Variants in NDNF observed in about 807,000 individuals in gnomAD.
The protein encoded by NDNF is neuron derived neurotrophic factor.
A neutral mutation model predicts 42.0 loss-of-function variants in NDNF; 16 were observed. The observed-to-expected ratio is 0.38, with a 90% CI of 0.26 to 0.58. NDNF has a LOEUF of 0.58. NDNF is among the 20% of genes least tolerant of loss of function. NDNF has a pLI of 0.67. For missense variants in NDNF, 616 were observed against 666.2 expected (o/e 0.92, Z 0.83); for synonymous variants, 248 against 251.7 (o/e 0.99, Z 0.14).
intron 1 of NDNF, among the ~76,000 whole-genome samples, chr4:121,064,453 A>G (rs185544974): frequency 1.6e-4 from 24 of 152,340 alleles, no homozygotes; most frequent in Non-Finnish European, 2.6e-4. Flanking sequence ...AAACTTCAAA[A>G]TATAACACAA....
rs1312488896 is a variant in NDNF at position 121,037,473 on chromosome 4, A to C, written c.498T>G (p.Thr166=). The change falls in exon 4 of 4, where the codon ACT becomes ACG. Residue 166 remains threonine, a synonymous_variant. Transcript: ENST00000379692. ...DTHFKVYATT[T]PESDQPYPEL... Reference sequence around the variant, plus strand: ...CAGGGTATGGCTGATCAGATTCTGGAGTTGTGGTGGCATATACTTTGAAAT... The same window carrying C: ...CAGGGTATGGCTGATCAGATTCTGGCGTTGTGGTGGCATATACTTTGAAAT... 1 of 1,613,932 alleles carries C rather than the reference A, an allele frequency of 6.2e-7. No individual in the cohort carries two copies. Among genetic ancestry groups the C allele is most frequent in the Admixed American group, 1.7e-5 (1 of 59,988 alleles).
rs1175215245 is a variant in NDNF at position 121,045,734 on chromosome 4, C to T, written c.104G>A (p.Arg35Gln). ...CGAATCATGAAAAAATGCCTTGTCC[C>T]GGATCTGCATCTGAAAAAGTTCCTC... is the stretch of plus-strand genomic sequence containing the variant. Reference protein sequence around the residue: ...RDEELFQMQIRDKAFFHDSSV... With the variant: ...RDEELFQMQIQDKAFFHDSSV... The change falls in exon 2 of 4, where the codon CGG becomes CAG. Residue 35 changes from arginine to glutamine, a missense_variant. Coordinates refer to ENST00000379692, the MANE Select transcript of NDNF (RefSeq NM_024574.4). 10 of 1,614,138 alleles carry T rather than the reference C, an allele frequency of 6.2e-6. No homozygotes were observed. The South Asian group carries it at 8.8e-5, about 14-fold the overall frequency.
At chr4:121,039,128 T>C (rs1283119971) in intron 3 of NDNF, 4 of 108,304 alleles carry the variant, frequency 3.7e-5, no homozygotes, top group Non-Finnish European at 5.8e-5. Context: ...TACGTATACA[T>C]AGTTATATAT....
chr4:121,064,428 T>C (rs1259349465), intron 1 of NDNF, among the ~76,000 whole-genome samples: 1 of 152,128 alleles, frequency 6.6e-6, no homozygotes, highest in Non-Finnish European at 1.5e-5. Context: ...TAAGAAAAAA[T>C]ATAATTTCAA....
chr4:121,071,222 C>G (rs1727590718), intron 1 of NDNF, among the ~76,000 whole-genome samples: 1 of 152,174 alleles, frequency 6.6e-6, no homozygotes, highest in South Asian at 2.1e-4. Flanking sequence ...AGCCGAGTCT[C>G]CTGGCTGGGG....
chr4:121,046,677 C>T (rs971926248), intron 1 of NDNF, among the ~76,000 whole-genome samples: 1 of 152,212 alleles, frequency 6.6e-6, no homozygotes, highest in Non-Finnish European at 1.5e-5. Context: ...TTGTCTTAAC[C>T]TCCAGCAGAG....
chr4:121,045,854 TGACTACTTTATTAGTTCTGCAGGCA>T lies in NDNF; in HGVS notation c.-1-41_-1-17del. The T allele has an allele frequency of 5.0e-6, 8 of 1,609,584 alleles. No homozygotes were observed. The highest frequency in any genetic ancestry group is 6.8e-6 in the Non-Finnish European group (8 of 1,177,380). On this transcript the variant is annotated splice_polypyrimidine_tract_variant and intron_variant, in intron 1 of 3. Coordinates refer to ENST00000379692, the MANE Select transcript of NDNF (RefSeq NM_024574.4). Reference sequence around the variant, plus strand: ...CAGCACCATCCTGAGGCAACAGAAATGACTACTTTATTAGTTCTGCAGGCAGACACTCAGGCAAGTCACAGACTTT... The same window carrying T: ...CAGCACCATCCTGAGGCAACAGAAATGACACTCAGGCAAGTCACAGACTTT...
chr4:121,053,134 T>C (rs1239619851), intron 1 of NDNF, among the ~76,000 whole-genome samples: 1 of 152,242 alleles, frequency 6.6e-6, no homozygotes, highest in African/African-American at 2.4e-5. Context: ...GAGTTCATTA[T>C]GTCAATAATC....
Position 121,045,829 on chromosome 4 carries a change from C to G in NDNF, c.9G>C (p.Leu3=). The G allele has an allele frequency of 6.2e-7, 1 of 1,613,760 alleles. No homozygotes were observed. Among genetic ancestry groups the G allele is most frequent in the Non-Finnish European group, 8.5e-7 (1 of 1,179,828 alleles). The change falls in exon 2 of 4, where the codon CTG becomes CTC. Residue 3 remains leucine (L), a synonymous_variant. Coordinates refer to ENST00000379692, the MANE Select transcript of NDNF (RefSeq NM_024574.4). MV[L]LHWCLLWLLF... ...GGAGCCACAGCAGGCACCAGTGGAGCAGCACCATCCTGAGGCAACAGAAAT... is the reference window on the plus strand; with the variant it reads ...GGAGCCACAGCAGGCACCAGTGGAGGAGCACCATCCTGAGGCAACAGAAAT...
chr4:121,051,858 A>C (rs1009606999), intron 1 of NDNF, among the ~76,000 whole-genome samples: 4 of 152,238 alleles, frequency 2.6e-5, no homozygotes, highest in African/African-American at 9.6e-5. Context: ...CAACCACTAG[A>C]AAGCTTGTCT....
intron 1 of NDNF, among the ~76,000 whole-genome samples, chr4:121,059,831 C>T (rs544346665): frequency 1.4e-4 from 21 of 152,270 alleles, no homozygotes; most frequent in African/African-American, 3.9e-4. Context: ...TCCTTTCTAA[C>T]GGGCTCCCAG....
chr4:121,061,773 A>G (rs1727413699), intron 1 of NDNF, among the ~76,000 whole-genome samples: 1 of 152,202 alleles, frequency 6.6e-6, no homozygotes, highest in Non-Finnish European at 1.5e-5. Context: ...AAAGGCTGCC[A>G]AAGCAAAATA....
At chr4:121,041,435 G>T (rs1367934456) in intron 2 of NDNF, among the ~76,000 whole-genome samples, 1 of 152,086 alleles carries the variant, frequency 6.6e-6, no homozygotes, top group African/African-American at 2.4e-5. Context: ...AGTCTCTTCT[G>T]CTGGTTCCTT....
intron 1 of NDNF, among the ~76,000 whole-genome samples, chr4:121,053,321 C>A (rs1355839062): frequency 6.6e-6 from 1 of 152,162 alleles, no homozygotes; most frequent in Admixed American, 6.5e-5. Flanking sequence ...CATGCGCTCC[C>A]TCTGAGTCTC....
In NDNF at chr4:121,045,269, G is replaced by A. The variant is rs1011265779; in HGVS notation, c.188+381C>T. On this transcript the variant is annotated intron_variant, in intron 2 of 3. Coordinates refer to ENST00000379692, the MANE Select transcript of NDNF (RefSeq NM_024574.4). ...CGGGAGGCTGAGGCAGGAGAATGGC[G>A]TGAACCCAGGAGGCGGAGCTTGCAG... is the stretch of plus-strand genomic sequence containing the variant. 4.0e-5 allele frequency among the ~76,000 whole-genome samples: 6 copies of A among 151,766 alleles called. No homozygotes were observed. In the East Asian group the frequency reaches 5.9e-4, roughly 15 times the overall value.
At chr4:121,039,475 T>C (rs1726958380) in intron 3 of NDNF, among the ~76,000 whole-genome samples, 1 of 151,962 alleles carries the variant, frequency 6.6e-6, no homozygotes, top group Admixed American at 6.6e-5. Context: ...TCTGTTTCCA[T>C]CTGTTATTCC....
At chr4:121,069,405 C>T (rs527365882) in intron 1 of NDNF, among the ~76,000 whole-genome samples, 1 of 152,300 alleles carries the variant, frequency 6.6e-6, no homozygotes, top group South Asian at 2.1e-4. Flanking sequence ...AAAGCTGTAT[C>T]TGCAAGTGAT....
intron 2 of NDNF, among the ~76,000 whole-genome samples, chr4:121,045,017 T>C (rs1010063659): frequency 6.6e-6 from 1 of 152,134 alleles, no homozygotes; most frequent in African/African-American, 2.4e-5. Context: ...TTCATGAAAA[T>C]TGATTTCACT....
At chr4:121,039,180 G>A (rs1560603167) in intron 3 of NDNF, among the ~76,000 whole-genome samples, 205 of 7,704 alleles carry the variant, frequency 0.027, 10 homozygotes, top group East Asian at 0.082. Flanking sequence ...TAAAGACTAT[G>A]TGTGTGTGTG....
Sources: allele counts gnomAD v4.1 joint callset (sites outside exome capture counted in the v4.1 genomes callset), GRCh38; gene constraint gnomAD v4.1.1; transcripts MANE v1.5; gene names NCBI Gene and HGNC (gene_info 2026-07-23, HGNC 2026-07-21).